Variants in GSG1L2 observed in about 807,000 individuals in gnomAD.
GSG1L2 encodes the protein germ cell-specific gene 1-like protein 2.
A neutral mutation model predicts 9.0 loss-of-function variants in GSG1L2; 15 were observed. That is an observed-to-expected ratio of 1.67 (90% CI 1.12 to 2.57). GSG1L2 has a LOEUF of 2.57. Among genes scored for constraint, GSG1L2 ranks in the 30% most tolerant of loss-of-function variants. The pLI, the probability that GSG1L2 is intolerant of heterozygous loss-of-function variation, is 0.00. For synonymous variants in GSG1L2, 127 were observed against 57.9 expected, an observed-to-expected ratio of 2.19 and a Z score of -5.41; for missense variants, 286 against 150.3, an observed-to-expected ratio of 1.90 and a Z score of -4.72.
At chr17:9,819,304 G>A (rs982387834) in intron 1 of GSG1L2, among the ~76,000 whole-genome samples, 67 of 152,318 alleles carry the variant, frequency 4.4e-4, no homozygotes, top group African/African-American at 1.6e-3. Flanking sequence ...TTGGCTTACT[G>A]ATTTCAACAA....
chr17:9,818,064 T>C (rs1197713820), intron 1 of GSG1L2, among the ~76,000 whole-genome samples: 2 of 152,066 alleles, frequency 1.3e-5, no homozygotes, highest in Non-Finnish European at 2.9e-5. Flanking sequence ...ATAAATAACC[T>C]CTCCTTCTGT....
chr17:9,818,838 T>C (rs1410241342), intron 1 of GSG1L2, among the ~76,000 whole-genome samples: 1 of 152,190 alleles, frequency 6.6e-6, no homozygotes, highest in African/African-American at 2.4e-5. Context: ...TTCCACATCA[T>C]AGGTGCATCC....
chr17:9,808,322 T>C (rs1474948795), intron 3 of GSG1L2, among the ~76,000 whole-genome samples: 1 of 152,224 alleles, frequency 6.6e-6, no homozygotes, highest in African/African-American at 2.4e-5. Flanking sequence ...TTCTTTATTT[T>C]TATGGAATAT....
intron 2 of GSG1L2, chr17:9,809,414 G>A (rs758027203): frequency 1.6e-5 from 3 of 192,582 alleles, no homozygotes; most frequent in Non-Finnish European, 3.3e-5. Flanking sequence ...AGAGTGAGCG[G>A]TAGCAAGGTT....
intron 1 of GSG1L2, among the ~76,000 whole-genome samples, chr17:9,817,638 C>T (rs1195261312): frequency 1.3e-5 from 2 of 151,898 alleles, no homozygotes; most frequent in African/African-American, 2.4e-5. Flanking sequence ...TTGGCCAGGC[C>T]GGTCTTGAAC....
rs141349899 is a variant in GSG1L2 at position 9,818,419 on chromosome 17, C to T, written c.310+3343G>A. On this transcript the variant is annotated intron_variant, in intron 1 of 4. Transcript: ENST00000399363. ...TGCGATCTCGGCTCACTGCAACCTC[C>T]GCCTCCTGGGTTCTAGCGATTCTCC... is the stretch of plus-strand genomic sequence containing the variant. Among the ~76,000 whole-genome samples the T allele has an allele frequency of 3.1e-3, 472 of 151,730 alleles. 2 individuals carry two copies. The highest frequency in any genetic ancestry group is 0.011 in the African/African-American group (439 of 41,360).
At chr17:9,816,350 G>A (rs1385393840) in intron 1 of GSG1L2, among the ~76,000 whole-genome samples, 1 of 150,378 alleles carries the variant, frequency 6.6e-6, no homozygotes, top group African/African-American at 2.5e-5. Context: ...AAATGTGCAC[G>A]TGCACGCGTA....
In GSG1L2 at chr17:9,802,596, G is replaced by A. The variant is rs1316817416; in HGVS notation, c.672C>T (p.Ala224=). ...GGCGGGCTGCCGTGAACCTGCTCAT[G>A]GCCGAGACCGACACAGCCAGGCAGA... ...FALCLAVSVS[A]MSRFTAARLE... The change falls in exon 5 of 5, where the codon GCC becomes GCT. Residue 224 remains alanine, a synonymous_variant. Coordinates refer to ENST00000399363, the MANE Select transcript of GSG1L2 (RefSeq NM_001310219.2). 1.4e-5 allele frequency: 10 copies of A among 702,576 alleles called. No homozygotes were observed. The highest frequency in any genetic ancestry group is 1.4e-4 in the African/African-American group (8 of 57,144). 43.5% of individuals were successfully genotyped at this position (702,576 alleles called of 1,614,324 possible).
intron 1 of GSG1L2, among the ~76,000 whole-genome samples, chr17:9,814,807 T>C (rs1403682542): frequency 6.6e-6 from 1 of 152,192 alleles, no homozygotes; most frequent in Non-Finnish European, 1.5e-5. Flanking sequence ...TGTCATTTTG[T>C]TCTCCGCCGG....
chr17:9,812,081 A>G (rs1007543159), intron 1 of GSG1L2, among the ~76,000 whole-genome samples: 2 of 152,228 alleles, frequency 1.3e-5, no homozygotes, highest in Non-Finnish European at 2.9e-5. Context: ...ATCACAGTTC[A>G]TACGCATTTA....
chr17:9,811,355 C>T (rs1347952456), intron 1 of GSG1L2, among the ~76,000 whole-genome samples: 1 of 152,172 alleles, frequency 6.6e-6, no homozygotes, highest in Non-Finnish European at 1.5e-5. Context: ...TGGGCAGAAG[C>T]CGCCACCAGA....
At chr17:9,816,646 TGTGTGTGTCTGTGTGTGC>T (rs1358187009) in intron 1 of GSG1L2, among the ~76,000 whole-genome samples, 11 of 122,290 alleles carry the variant, frequency 9.0e-5, no homozygotes. Flanking sequence ...TGTGCGTGTC[TGTGTGTGTCTGTGTGTGC>T]GTGTGTGTCT....
chr17:9,816,402 GTGTGTGTGTGTGTC>G (rs2066560091), intron 1 of GSG1L2, among the ~76,000 whole-genome samples: 1 of 150,146 alleles, frequency 6.7e-6, no homozygotes, highest in Non-Finnish European at 1.5e-5. Flanking sequence ...GTGTCTGTGT[GTGTGTGTGTGTGTC>G]TGTGTGTGTG....
At chr17:9,808,158 A>G (rs1488871142) in intron 3 of GSG1L2, among the ~76,000 whole-genome samples, 1 of 152,242 alleles carries the variant, frequency 6.6e-6, no homozygotes, top group Non-Finnish European at 1.5e-5. Flanking sequence ...TACATGATGA[A>G]CTTAACATGA....
Position 9,801,257 on chromosome 17 carries a change from G to T in GSG1L2, c.*1129C>A, listed in dbSNP as rs2066495631. Among the ~76,000 whole-genome samples the T allele has an allele frequency of 6.6e-6, 1 of 152,080 alleles. No homozygotes were observed. Among genetic ancestry groups the T allele is most frequent in the African/African-American group, 2.4e-5 (1 of 41,478 alleles). ...GGGTCTCACTCTATTGCCCAGGCTG[G>T]AGTGCAATGGCGCGATCTCTGCTCA... On this transcript the variant is annotated 3_prime_UTR_variant, in exon 5 of 5. Coordinates refer to ENST00000399363, the MANE Select transcript of GSG1L2 (RefSeq NM_001310219.2).
intron 1 of GSG1L2, among the ~76,000 whole-genome samples, chr17:9,819,157 C>T (rs1040358751): frequency 1.3e-5 from 2 of 152,158 alleles, no homozygotes; most frequent in Admixed American, 1.3e-4. Context: ...AATAAAACAC[C>T]AGTGCCATAA....
intron 3 of GSG1L2, 37 bp from the exon 4 acceptor site, chr17:9,807,638 G>A: frequency 2.8e-6 from 2 of 703,040 alleles, no homozygotes; most frequent in Non-Finnish European, 5.2e-6. Flanking sequence ...CAGCTAAGAA[G>A]ACACATGATG....
intron 2 of GSG1L2, chr17:9,809,406 A>G (rs1305392048): frequency 1.5e-5 from 3 of 203,644 alleles, no homozygotes; most frequent in Non-Finnish European, 3.0e-5. Flanking sequence ...AGACCCAAAG[A>G]GTGAGCGGTA....
rs2066496914 is a variant in GSG1L2 at position 9,801,552 on chromosome 17, C to T, written c.*834G>A. Among the ~76,000 whole-genome samples, 1 of 152,124 alleles carries T rather than the reference C, an allele frequency of 6.6e-6. No homozygotes were observed. The highest frequency in any genetic ancestry group is 2.4e-5 in the African/African-American group (1 of 41,412). ...TCAAAAAATCAAATTATGTGTGGAA[C>T]AACCTGTGGCCTGAATAACATGGTA... On this transcript the variant is annotated 3_prime_UTR_variant, in exon 5 of 5. Transcript: ENST00000399363.
Sources: gnomAD v4.1 joint callset for allele counts (sites outside exome capture counted in the v4.1 genomes callset) on GRCh38, gnomAD v4.1.1 for gene constraint, MANE v1.5 for transcripts, NCBI Gene and HGNC (gene_info 2026-07-23, HGNC 2026-07-21) for gene names.